Variants in CNTN6 observed in about 807,000 individuals in gnomAD.
CNTN6 encodes the protein contactin-6.
In CNTN6, 137 loss-of-function variants were observed where a neutral mutation model predicts 122.8. The observed-to-expected ratio is 1.12, with a 90% CI of 0.97 to 1.29. The LOEUF (loss-of-function observed/expected upper bound fraction) is 1.29, where lower values mean the gene tolerates loss of function less well. Ranked by LOEUF, CNTN6 falls within the 50% of genes most tolerant of loss-of-function variation. The pLI, the probability that CNTN6 is intolerant of heterozygous loss-of-function variation, is 0.00. For missense variants in CNTN6, 1,634 were observed against 1,223.4 expected (o/e 1.34, Z -5.01); for synonymous variants, 570 against 426.0 (o/e 1.34, Z -4.16).
At chr3:1,177,007 CAAAAG>C (rs149743834) in intron 2 of CNTN6, among the ~76,000 whole-genome samples, 86,639 of 151,166 alleles carry the variant, frequency 0.57, 25,342 homozygotes, top group South Asian at 0.68. Context: ...CTCTGGATGA[CAAAAG>C]AAAGCATAGA....
At position 1,383,017 on chromosome 3, in the gene CNTN6, T is replaced by G; in HGVS notation, c.2242T>G (p.Trp748Gly). 6.2e-7 allele frequency: 1 copy of G among 1,614,126 alleles called. No individual in the cohort carries two copies. The highest frequency in any genetic ancestry group is 8.5e-7 in the Non-Finnish European group (1 of 1,179,962). ...IMFRPVGSTT[W>G]SKEKVSSVES... ...GTTCCGGCCAGTGGGCTCGACAACC[T>G]GGTCCAAGGAGAAAGTGTCATCTGT... The change falls in exon 18 of 23, where the codon TGG becomes GGG. Residue 748 changes from tryptophan (W) to glycine (G), a missense_variant. Physicochemically the swap from Trp to Gly is radical, Grantham distance 184. Coordinates refer to ENST00000446702, the MANE Select transcript of CNTN6 (RefSeq NM_001289080.2).
chr3:1,255,570 A>G (rs114635212), intron 4 of CNTN6, among the ~76,000 whole-genome samples: 1,616 of 152,246 alleles, frequency 0.011, 23 homozygotes, highest in African/African-American at 0.037. Flanking sequence ...GTATCCTAGG[A>G]ACAGTAGAGC....
intron 4 of CNTN6, among the ~76,000 whole-genome samples, chr3:1,245,221 T>TA (rs1304018351): frequency 5.3e-5 from 1 of 18,758 alleles, no homozygotes; most frequent in African/African-American, 3.5e-4. Context: ...TATATATATA[T>TA]ATATATATAT....
intron 12 of CNTN6, among the ~76,000 whole-genome samples, chr3:1,364,512 A>C (rs777350146): frequency 1.3e-4 from 19 of 151,890 alleles, no homozygotes; most frequent in Middle Eastern, 6.8e-3. Flanking sequence ...GAAGGAAAAA[A>C]AAAACAAAAC....
intron 4 of CNTN6, among the ~76,000 whole-genome samples, chr3:1,240,328 A>G (rs2094466543): frequency 6.6e-6 from 1 of 152,224 alleles, no homozygotes; most frequent in Non-Finnish European, 1.5e-5. Context: ...TCAGCAAGAA[A>G]AAAACAAACA....
intron 4 of CNTN6, among the ~76,000 whole-genome samples, chr3:1,262,529 G>C (rs754834101): frequency 8.5e-5 from 13 of 152,084 alleles, no homozygotes; most frequent in Non-Finnish European, 1.5e-4. Flanking sequence ...CCCCGCTTTA[G>C]TTTATACTAC....
intron 12 of CNTN6, among the ~76,000 whole-genome samples, chr3:1,366,700 TG>T (rs1268928423): frequency 1.3e-5 from 2 of 152,130 alleles, no homozygotes; most frequent in Non-Finnish European, 2.9e-5. Flanking sequence ...GGCTGTAGAA[TG>T]AACTCTTTGA....
At chr3:1,185,062 T>C (rs998051320) in intron 2 of CNTN6, among the ~76,000 whole-genome samples, 6 of 152,180 alleles carry the variant, frequency 3.9e-5, no homozygotes, top group African/African-American at 1.2e-4. Flanking sequence ...TATATACTCA[T>C]AAGTCTTCTC....
chr3:1,227,767 G>C, intron 3 of CNTN6, 51 bp from the exon 4 acceptor site: 1 of 1,563,112 alleles, frequency 6.4e-7, no homozygotes, highest in Non-Finnish European at 8.7e-7. Context: ...TTAAGACAAA[G>C]ATTGATTGAC....
chr3:1,252,576 A>C (rs75357138), intron 4 of CNTN6, among the ~76,000 whole-genome samples: 3,251 of 152,302 alleles, frequency 0.021, 101 homozygotes, highest in African/African-American at 0.069. Context: ...CATTTTCCCT[A>C]CTAGTCATTT....
chr3:1,131,896 G>T (rs917071973), intron 1 of CNTN6, among the ~76,000 whole-genome samples: 8 of 152,062 alleles, frequency 5.3e-5, no homozygotes, highest in Non-Finnish European at 8.8e-5. Context: ...TGGCATTCAT[G>T]AGAAAATTCA....
intron 4 of CNTN6, among the ~76,000 whole-genome samples, chr3:1,263,886 A>G (rs1184822267): frequency 6.6e-6 from 1 of 151,732 alleles, no homozygotes; most frequent in Non-Finnish European, 1.5e-5. Flanking sequence ...TAGCCAAGGG[A>G]GGGTTCACTA....
chr3:1,253,940 G>GTATA (rs1358046032), intron 4 of CNTN6, among the ~76,000 whole-genome samples: 1 of 152,106 alleles, frequency 6.6e-6, no homozygotes, highest in African/African-American at 2.4e-5. Flanking sequence ...ATGTATGTAT[G>GTATA]TATACATTTT....
chr3:1,253,544 T>C (rs999426582), intron 4 of CNTN6, among the ~76,000 whole-genome samples: 1 of 152,204 alleles, frequency 6.6e-6, no homozygotes, highest in African/African-American at 2.4e-5. Context: ...TTCAACTGAT[T>C]TGACTTCTCA....
chr3:1,156,372 T>C, intron 2 of CNTN6, among the ~76,000 whole-genome samples: 1 of 152,214 alleles, frequency 6.6e-6, no homozygotes. Context: ...AGGTCATTTC[T>C]CTCAAATATA....
chr3:1,115,161 C>T (rs1256918095), intron 1 of CNTN6, among the ~76,000 whole-genome samples: 2 of 152,106 alleles, frequency 1.3e-5, no homozygotes, highest in African/African-American at 4.8e-5. Context: ...ATAAATGTAA[C>T]ATATGCACAT....
intron 20 of CNTN6, among the ~76,000 whole-genome samples, chr3:1,387,767 G>GGAGT (rs1693279879): frequency 6.9e-6 from 1 of 145,156 alleles, no homozygotes; most frequent in Non-Finnish European, 1.6e-5. Flanking sequence ...AAGGGGTCAG[G>GGAGT]GAGTTCCCTT....
intron 1 of CNTN6, among the ~76,000 whole-genome samples, chr3:1,142,212 T>TG (rs1344758033): frequency 4.6e-5 from 6 of 130,802 alleles, no homozygotes; most frequent in Admixed American, 7.9e-5. Flanking sequence ...TTTCCATTCC[T>TG]AAAAAAAAAA....
chr3:1,103,522 C>T (rs568829970), intron 1 of CNTN6, among the ~76,000 whole-genome samples: 15 of 152,160 alleles, frequency 9.9e-5, no homozygotes, highest in African/African-American at 2.7e-4. Flanking sequence ...ACTGACTTCA[C>T]TCTTATTCTG....
Sources: gnomAD v4.1 joint callset for allele counts (sites outside exome capture counted in the v4.1 genomes callset) on GRCh38, gnomAD v4.1.1 for gene constraint, MANE v1.5 for transcripts, NCBI Gene and HGNC (gene_info 2026-07-23, HGNC 2026-07-21) for gene names.